The following THAP6 variants were observed in gnomAD, a reference collection of about 807,000 sequenced individuals.
THAP6 encodes THAP domain-containing protein 6.
Under a neutral mutation model 20.0 loss-of-function variants are expected in THAP6, and 13 were observed. The ratio of observed to expected loss-of-function variants is 0.65; its 90% CI spans 0.42 to 1.03. THAP6 has a LOEUF of 1.03. Ranked by LOEUF, THAP6 falls within the 50% of genes least tolerant of loss-of-function variation. The pLI is 0.00. For missense variants in THAP6, 262 were observed against 261.6 expected, an observed-to-expected ratio of 1.00 and a Z score of -0.01; for synonymous variants, 93 against 92.2, an observed-to-expected ratio of 1.01 and a Z score of -0.05.
chr4:75,526,162 C>T (rs184560915), intron 4 of THAP6, among the ~76,000 whole-genome samples: 1 of 152,304 alleles, frequency 6.6e-6, no homozygotes, highest in East Asian at 1.9e-4. Flanking sequence ...TTAGGTCTCA[C>T]CTCTTTGCTT....
chr4:75,523,165 T>C (rs1295728091), intron 4 of THAP6, among the ~76,000 whole-genome samples: 2 of 152,228 alleles, frequency 1.3e-5, no homozygotes, highest in South Asian at 2.1e-4. Flanking sequence ...TATTTTCTTA[T>C]TGTAGATTTG....
intron 4 of THAP6, among the ~76,000 whole-genome samples, chr4:75,523,847 T>A (rs1056828524): frequency 1.3e-5 from 2 of 150,448 alleles, no homozygotes; most frequent in Non-Finnish European, 3.0e-5. Flanking sequence ...CCCAGACCAA[T>A]GTCCTGGAGA....
rs181435034 is a variant in THAP6, at chr4:75,542,320, G to A, written c.166-89G>A. 3.3e-4 allele frequency: 214 copies of A among 648,428 alleles called. 2 individuals are homozygous for A. In the East Asian group the frequency reaches 5.7e-3, roughly 17 times the overall value. The allele number at this position is 648,428 out of a possible 1,614,324, so 40.2% of individuals were successfully genotyped here. A position where few individuals can be genotyped will look rare whatever the true frequency, so the allele number is the denominator to read the frequency against. Reference sequence around the variant, plus strand: ...GAAAACTAAAGAACGTGACTTCAGAGTACTGATATCTGGGAAGTATTGCAT... The same window carrying A: ...GAAAACTAAAGAACGTGACTTCAGAATACTGATATCTGGGAAGTATTGCAT... On this transcript the variant is annotated intron_variant, in intron 2 of 4. Transcript: ENST00000502620.
Position 75,529,248 on chromosome 4 carries a change from G to T in THAP6, c.*2034G>T. 1.0e-6 allele frequency: 1 copy of T among 984,874 alleles called. No individual in the cohort carries two copies. The highest frequency in any genetic ancestry group is 1.2e-6 in the Non-Finnish European group (1 of 829,654). The allele number at this position is 984,874 out of a possible 1,614,324, so 61.0% of individuals were successfully genotyped here. A position where few individuals can be genotyped will look rare whatever the true frequency, so the allele number is the denominator to read the frequency against. ...AGTAAGACAATGGAGTAAGTAAGAG[G>T]GTAGATCCAAACACAGTATGTCTAA... On this transcript the variant is annotated 3_prime_UTR_variant, in exon 5 of 5. Transcript: ENST00000311638.
upstream of THAP6, chr4:75,514,356 C>A: frequency 2.0e-6 from 3 of 1,537,736 alleles, no homozygotes; most frequent in Non-Finnish European, 8.9e-7. Context: ...AGAAGCTGCG[C>A]CTCTCTAGCA....
intron 1 of THAP6, among the ~76,000 whole-genome samples, 181 bp from the exon 2 acceptor site, chr4:75,515,252 T>A (rs1434417148): frequency 6.6e-6 from 1 of 152,206 alleles, no homozygotes; most frequent in Non-Finnish European, 1.5e-5. Context: ...CTAAATATGT[T>A]TCTCCTTATT....
intron 2 of THAP6, among the ~76,000 whole-genome samples, chr4:75,536,747 GTCTGCCCACCTCAGCCTCCCGCAA>G (rs1433469344): frequency 6.6e-6 from 1 of 152,052 alleles, no homozygotes; most frequent in Non-Finnish European, 1.5e-5. Context: ...GGCTCACGCA[GTCTGCCCACCTCAGCCTCCCGCAA>G]TCTGCCCACC....
At chr4:75,518,909 T>G (rs1167119642) in intron 3 of THAP6, among the ~76,000 whole-genome samples, 1 of 152,238 alleles carries the variant, frequency 6.6e-6, no homozygotes, top group Middle Eastern at 3.2e-3. Flanking sequence ...TCACTTTTTT[T>G]TAACTAAACT....
At chr4:75,535,577 T>C (rs1184078696) in intron 2 of THAP6, among the ~76,000 whole-genome samples, 1 of 152,258 alleles carries the variant, frequency 6.6e-6, no homozygotes, top group Non-Finnish European at 1.5e-5. Context: ...ATTAGTGATA[T>C]GTCAACCAAC....
downstream of THAP6, among the ~76,000 whole-genome samples, chr4:75,531,403 G>T (rs1289638492): frequency 6.6e-6 from 1 of 152,208 alleles, no homozygotes; most frequent in African/African-American, 2.4e-5. Context: ...TTTGTACCAT[G>T]TGCCTTTTCC....
intron 2 of THAP6, among the ~76,000 whole-genome samples, chr4:75,537,670 G>A (rs1488295301): frequency 6.6e-6 from 1 of 152,158 alleles, no homozygotes; most frequent in Non-Finnish European, 1.5e-5. Flanking sequence ...TTCTTACATG[G>A]TGAAAGAGAG....
chr4:75,537,617 A>G (rs900931941), intron 2 of THAP6, among the ~76,000 whole-genome samples: 4 of 152,174 alleles, frequency 2.6e-5, no homozygotes, highest in African/African-American at 9.6e-5. Flanking sequence ...AGTCTCAGGT[A>G]TGTCTCTATC....
At chr4:75,546,269 C>T (rs528923791) in intron 3 of THAP6, among the ~76,000 whole-genome samples, 1 of 152,276 alleles carries the variant, frequency 6.6e-6, no homozygotes, top group Non-Finnish European at 1.5e-5. Flanking sequence ...TCCCGATGTT[C>T]AGCCTCTGGG....
Position 75,529,383 on chromosome 4 carries a change from G to A in THAP6, c.*2169G>A, listed in dbSNP as rs1197599774. On this transcript the variant is annotated 3_prime_UTR_variant, in exon 5 of 5. Coordinates refer to ENST00000311638, the MANE Select transcript of THAP6 (RefSeq NM_144721.6). The stretch of plus-strand genomic sequence containing the variant: ...ATTGCCACAGTCACTTTTACTACTT[G>A]TGTTCATAGTAGACTCAGCACTTCT... 2 of 985,356 alleles carry A rather than the reference G, an allele frequency of 2.0e-6. No individual in the cohort carries two copies. The highest frequency in any genetic ancestry group is 4.7e-5 in the South Asian group (1 of 21,276). The allele number at this position is 985,356 out of a possible 1,614,324, so 61.0% of individuals were successfully genotyped here.
chr4:75,514,476 C>T lies in THAP6; in HGVS notation c.-65C>T, dbSNP rs1725356501. On this transcript the variant is annotated 5_prime_UTR_variant, in exon 1 of 5. The change creates a new upstream start codon in the 5' untranslated region. Transcript: ENST00000311638. ...GCTACGAGGCGGAAGCGAAGGCAGACGCAGTCTCCGTCGTTGACGTTAGTC... is the reference window on the plus strand; with the variant it reads ...GCTACGAGGCGGAAGCGAAGGCAGATGCAGTCTCCGTCGTTGACGTTAGTC... 3.5e-6 allele frequency: 2 copies of T among 564,546 alleles called. No individual in the cohort carries two copies. Among genetic ancestry groups the T allele is most frequent in the Non-Finnish European group, 6.2e-6 (2 of 324,718 alleles). The allele number at this position is 564,546 out of a possible 1,614,324, so 35.0% of individuals were successfully genotyped here. A position where few individuals can be genotyped will look rare whatever the true frequency, so the allele number is the denominator to read the frequency against.
intron 4 of THAP6, 125 bp from the exon 5 acceptor site, chr4:75,526,835 C>A: frequency 7.1e-7 from 1 of 1,399,482 alleles, no homozygotes. Flanking sequence ...GTTCCTTAAA[C>A]CTCTATCACC....
upstream of THAP6, chr4:75,514,449 G>A: frequency 2.7e-6 from 2 of 753,778 alleles, no homozygotes. Flanking sequence ...CCGGTTCCCG[G>A]GGCTACGAGG....
chr4:75,520,361 G>T (rs1325405382), intron 3 of THAP6, among the ~76,000 whole-genome samples: 1 of 152,144 alleles, frequency 6.6e-6, no homozygotes, highest in Non-Finnish European at 1.5e-5. Context: ...GGAATTACTG[G>T]TGATGTGGAT....
At chr4:75,526,840 A>G (rs1726403782) in intron 4 of THAP6, 120 bp from the exon 5 acceptor site, 1 of 1,426,110 alleles carries the variant, frequency 7.0e-7, no homozygotes, top group Non-Finnish European at 9.3e-7. Flanking sequence ...TTAAACCTCT[A>G]TCACCAACTT....
Sources: gnomAD v4.1 joint callset for allele counts (sites outside exome capture counted in the v4.1 genomes callset) on GRCh38, gnomAD v4.1.1 for gene constraint, MANE v1.5 for transcripts, NCBI Gene and HGNC (gene_info 2026-07-23, HGNC 2026-07-21) for gene names.